The following DNM3 variants were observed in gnomAD, a reference collection of about 807,000 sequenced individuals.
DNM3 encodes dynamin-3.
A neutral mutation model predicts 101.6 loss-of-function variants in DNM3; 47 were observed. That is an observed-to-expected ratio of 0.46 (90% CI 0.37 to 0.59). The LOEUF (loss-of-function observed/expected upper bound fraction) is 0.59. Ranked by LOEUF, DNM3 falls within the 20% of genes least tolerant of loss-of-function variation. The pLI is 0.00. For synonymous variants in DNM3, 385 were observed against 387.9 expected, an observed-to-expected ratio of 0.99 and a Z score of 0.09; for missense variants, 849 against 1,085.7, an observed-to-expected ratio of 0.78 and a Z score of 3.06.
At chr1:172,029,779 C>G (rs781548658) in intron 4 of DNM3, among the ~76,000 whole-genome samples, 1 of 152,232 alleles carries the variant, frequency 6.6e-6, no homozygotes, top group Non-Finnish European at 1.5e-5. Flanking sequence ...AACAGAGAAC[C>G]AAATCATGCA....
intron 8 of DNM3, 111 bp from the exon 9 acceptor site, chr1:172,044,274 A>G (rs192355047): frequency 2.4e-5 from 21 of 887,966 alleles, no homozygotes; most frequent in Non-Finnish European, 3.4e-5. Context: ...TAGGAAAGAC[A>G]TGAGTATCCA....
At chr1:171,919,235 C>T (rs1035973965) in intron 1 of DNM3, among the ~76,000 whole-genome samples, 4 of 152,074 alleles carry the variant, frequency 2.6e-5, no homozygotes, top group Non-Finnish European at 2.9e-5. Context: ...TATACACATG[C>T]CATGGTGGTT....
At chr1:172,264,583 T>C (rs1345175875) in intron 15 of DNM3, among the ~76,000 whole-genome samples, 1 of 152,234 alleles carries the variant, frequency 6.6e-6, no homozygotes, top group Non-Finnish European at 1.5e-5. Context: ...TACTTTGTAA[T>C]TTTTATCCCT....
chr1:172,010,863 T>C (rs1024459557), intron 4 of DNM3, among the ~76,000 whole-genome samples: 1 of 151,866 alleles, frequency 6.6e-6, no homozygotes, highest in Non-Finnish European at 1.5e-5. Context: ...AATAACTGTT[T>C]AAATGTCATT....
intron 1 of DNM3, among the ~76,000 whole-genome samples, chr1:171,873,808 A>G (rs1305332998): frequency 6.6e-6 from 1 of 152,250 alleles, no homozygotes; most frequent in Admixed American, 6.5e-5. Flanking sequence ...CTCAATGACA[A>G]TAAAATAAGT....
intron 4 of DNM3, among the ~76,000 whole-genome samples, chr1:172,023,512 G>A (rs1417441545): frequency 6.6e-6 from 1 of 152,108 alleles, no homozygotes; most frequent in African/African-American, 2.4e-5. Context: ...TTGCTGCTAG[G>A]AAGACTGATG....
intron 1 of DNM3, among the ~76,000 whole-genome samples, chr1:171,913,962 C>T (rs2039507142): frequency 1.3e-5 from 2 of 151,026 alleles, no homozygotes; most frequent in African/African-American, 4.9e-5. Context: ...CTAATTTTTA[C>T]ATTTTTTGTA....
intron 17 of DNM3, among the ~76,000 whole-genome samples, chr1:172,370,774 C>A (rs963848305): frequency 6.6e-6 from 1 of 151,912 alleles, no homozygotes; most frequent in African/African-American, 2.4e-5. Context: ...CATACCATAT[C>A]ATTTATTTCT....
chr1:171,978,063 A>G (rs1388413990), intron 2 of DNM3, among the ~76,000 whole-genome samples: 1 of 152,164 alleles, frequency 6.6e-6, no homozygotes, highest in Admixed American at 6.5e-5. Context: ...TCCTTCAGTC[A>G]TCTACTCATT....
chr1:172,201,916 T>A (rs529976409), intron 14 of DNM3, among the ~76,000 whole-genome samples: 2 of 152,298 alleles, frequency 1.3e-5, no homozygotes, highest in South Asian at 4.1e-4. Context: ...TCCACTCCAA[T>A]TTCTAGTTGC....
intron 13 of DNM3, among the ~76,000 whole-genome samples, chr1:172,114,127 G>A (rs531466441): frequency 6.6e-6 from 1 of 152,106 alleles, no homozygotes; most frequent in Non-Finnish European, 1.5e-5. Flanking sequence ...ATTAAAATTG[G>A]TTGCTATGAG....
chr1:171,971,873 A>G (rs979928006), intron 2 of DNM3, among the ~76,000 whole-genome samples: 21 of 152,210 alleles, frequency 1.4e-4, no homozygotes, highest in Admixed American at 1.4e-3. Flanking sequence ...GTTAGTCTCT[A>G]TAACTGATTA....
At chr1:172,110,047 C>T (rs2055349091) in intron 13 of DNM3, among the ~76,000 whole-genome samples, 1 of 152,164 alleles carries the variant, frequency 6.6e-6, no homozygotes, top group Non-Finnish European at 1.5e-5. Flanking sequence ...TGTTACTCCT[C>T]AGCTTTCAAC....
chr1:172,096,472 G>T (rs2054252139), intron 13 of DNM3, among the ~76,000 whole-genome samples: 1 of 152,174 alleles, frequency 6.6e-6, no homozygotes, highest in Non-Finnish European at 1.5e-5. Context: ...AGGAAAAGCT[G>T]ATGAATTCAA....
At chr1:172,403,417 C>T (rs759685659) in intron 20 of DNM3, among the ~76,000 whole-genome samples, 15 of 152,036 alleles carry the variant, frequency 9.9e-5, no homozygotes, top group Non-Finnish European at 1.3e-4. Flanking sequence ...TAAAATGGGC[C>T]TCATATCATG....
At chr1:172,007,364 A>G (rs1278764119) in intron 4 of DNM3, among the ~76,000 whole-genome samples, 2 of 152,062 alleles carry the variant, frequency 1.3e-5, no homozygotes, top group African/African-American at 4.8e-5. Context: ...ATTGATGTGC[A>G]TGTCTCTGAG....
intron 9 of DNM3, among the ~76,000 whole-genome samples, chr1:172,044,990 G>A (rs534292881): frequency 1.0e-5 from 1 of 100,200 alleles, no homozygotes; most frequent in Non-Finnish European, 2.0e-5. Flanking sequence ...GAGGATGGAA[G>A]GATGGAATGG....
intron 1 of DNM3, among the ~76,000 whole-genome samples, chr1:171,893,132 G>A (rs537330709): frequency 1.2e-4 from 19 of 152,136 alleles, no homozygotes; most frequent in Non-Finnish European, 2.2e-4. Flanking sequence ...CTTCAGTGAG[G>A]TTGTTTCATA....
chr1:172,044,167 G>A (rs981250446), intron 8 of DNM3, among the ~76,000 whole-genome samples: 2 of 152,178 alleles, frequency 1.3e-5, no homozygotes, highest in African/African-American at 4.8e-5. Context: ...CTATAACAGA[G>A]TTAAAATCCA....
Sources: gnomAD v4.1 joint callset for allele counts (sites outside exome capture counted in the v4.1 genomes callset) on GRCh38, gnomAD v4.1.1 for gene constraint, MANE v1.5 for transcripts, NCBI Gene and HGNC (gene_info 2026-07-23, HGNC 2026-07-21) for gene names.